The following CEACAM16 variants were observed in gnomAD, a reference collection of about 807,000 sequenced individuals.
CEACAM16 encodes the protein cell adhesion molecule CEACAM16.
In CEACAM16, 30 loss-of-function variants were observed where a neutral mutation model predicts 39.4. The observed-to-expected ratio is 0.76, with a 90% CI of 0.57 to 1.03. CEACAM16 has a LOEUF of 1.03. CEACAM16 is among the 50% of genes least tolerant of loss of function. The pLI, the probability that CEACAM16 is intolerant of heterozygous loss-of-function variation, is 0.00. For missense variants in CEACAM16, 521 were observed against 585.3 expected, an observed-to-expected ratio of 0.89 and a Z score of 1.13; for synonymous variants, 262 against 264.9, an observed-to-expected ratio of 0.99 and a Z score of 0.11.
chr19:44,699,174 G>A lies in CEACAM16; in HGVS notation c.-183G>A. 1 of 514,556 alleles carries A rather than the reference G, an allele frequency of 1.9e-6. No individual in the cohort carries two copies. The highest frequency in any genetic ancestry group is 4.0e-6 in the Non-Finnish European group (1 of 249,414). 31.9% of individuals were successfully genotyped at this position (514,556 alleles called of 1,614,324 possible). ...GGCTGCATCCTCAGCGCCTAGAACA[G>A]CACCTGGCAAACAATAGGTGCTCAT... On this transcript the variant is annotated 5_prime_UTR_variant, in exon 1 of 7. Transcript: ENST00000587331.
chr19:44,709,716 G>T (rs930771958), intron 6 of CEACAM16, among the ~76,000 whole-genome samples: 9 of 148,490 alleles, frequency 6.1e-5, no homozygotes, highest in African/African-American at 2.2e-4. Context: ...GGAGCTCCCA[G>T]AGTCAGGGAC....
chr19:44,701,365 T>C lies in CEACAM16; in HGVS notation c.-92T>C, dbSNP rs1974342508. On this transcript the variant is annotated 5_prime_UTR_variant, in exon 2 of 7. Coordinates refer to ENST00000587331, the MANE Select transcript of CEACAM16 (RefSeq NM_001039213.4). This position sits in a 1 kb window ranked among gnomAD's most constrained non-coding sequence, Gnocchi z 4.0. Reference sequence around the variant, plus strand: ...CAAATCACCAAACCCTCCCAGGTCCTGCGGCAGACGGAGCCGAGCCCCAAC... The same window carrying C: ...CAAATCACCAAACCCTCCCAGGTCCCGCGGCAGACGGAGCCGAGCCCCAAC... 2 of 1,362,006 alleles carry C rather than the reference T, an allele frequency of 1.5e-6. No individual in the cohort carries two copies. The highest frequency in any genetic ancestry group is 2.5e-5 in the East Asian group (1 of 39,980). The allele number at this position is 1,362,006 out of a possible 1,614,324, so 84.4% of individuals were successfully genotyped here.
At position 44,701,565 on chromosome 19, in the gene CEACAM16, T is replaced by C. The variant is rs1329347299; in HGVS notation, c.37+72T>C. On this transcript the variant is annotated intron_variant, in intron 2 of 6. Transcript: ENST00000587331. This position sits in a 1 kb window ranked among gnomAD's most constrained non-coding sequence, Gnocchi z 4.0. Reference sequence around the variant, plus strand: ...CAGGGAGGGGAGGGGACCCCCAGTCTGAGAGAGGGAAGGTGTGAGCAGAAG... The same window carrying C: ...CAGGGAGGGGAGGGGACCCCCAGTCCGAGAGAGGGAAGGTGTGAGCAGAAG... 1.3e-5 allele frequency: 18 copies of C among 1,411,980 alleles called. No homozygotes were observed. The highest frequency in any genetic ancestry group is 9.9e-5 in the East Asian group (4 of 40,338). The allele number at this position is 1,411,980 out of a possible 1,614,324, so 87.5% of individuals were successfully genotyped here. A position where few individuals can be genotyped will look rare whatever the true frequency, so the allele number is the denominator to read the frequency against.
chr19:44,704,213 G>C lies in CEACAM16; in HGVS notation c.578G>C (p.Arg193Pro), dbSNP rs764367010. 1 of 1,554,464 alleles carries C rather than the reference G, an allele frequency of 6.4e-7. No homozygotes were observed. The highest frequency in any genetic ancestry group is 8.7e-7 in the Non-Finnish European group (1 of 1,149,370). ...GTGCTGGCCAGGCATGGCATCCGCC[G>C]GGAGGAGGCCGGCGCCTATCAGTGT... ...GRVLARHGIR[R>P]EEAGAYQCEV... The change falls in exon 4 of 7, where the codon CGG becomes CCG. Residue 193 changes from arginine (R) to proline (P), a missense_variant. Transcript: ENST00000587331.
intron 5 of CEACAM16, among the ~76,000 whole-genome samples, chr19:44,706,310 AC>A (rs1344825286): frequency 3.4e-5 from 5 of 144,938 alleles, no homozygotes; most frequent in Non-Finnish European, 6.0e-5. Context: ...ACACACACAC[AC>A]AACTGAAGAA....
rs200297676 is a variant in CEACAM16 at position 44,704,143 on chromosome 19, G to C, written c.508G>C (p.Ala170Pro). 1.9e-6 allele frequency: 3 copies of C among 1,593,498 alleles called. No individual in the cohort carries two copies. Among genetic ancestry groups the C allele is most frequent in the Non-Finnish European group, 8.5e-7 (1 of 1,171,436 alleles). Residue 170 changes from alanine (A) to proline (P), a missense_variant, in exon 4 of 7, where the codon GCC becomes CCC. Transcript: ENST00000587331. Reference sequence around the variant, plus strand: ...GGTCCGCTGGTTCTTCAACGGTGGGGCCCTGCCCGTCGCTCTCCGCCTGGG... The same window carrying C: ...GGTCCGCTGGTTCTTCAACGGTGGGCCCCTGCCCGTCGCTCTCCGCCTGGG... ...AEVRWFFNGG[A>P]LPVALRLGLS...
chr19:44,703,596 C>T lies in CEACAM16; in HGVS notation c.285C>T (p.Ile95=), dbSNP rs1396345223. ...TGCGCCCCGATGGCAGCCTGGACAT[C>T]CAGGGCATCCTGCCCCGGCACTCAG... ...EAVRPDGSLD[I]QGILPRHSGT... is the part of the protein sequence containing the mutation. Residue 95 remains isoleucine (I), a synonymous_variant, in exon 3 of 7, where the codon ATC becomes ATT. Transcript: ENST00000587331. 2 of 1,608,806 alleles carry T rather than the reference C, an allele frequency of 1.2e-6. No homozygotes were observed. Among genetic ancestry groups the T allele is most frequent in the Non-Finnish European group, 1.7e-6 (2 of 1,178,124 alleles).
chr19:44,706,188 C>T (rs888606144), intron 5 of CEACAM16, among the ~76,000 whole-genome samples: 5 of 151,666 alleles, frequency 3.3e-5, no homozygotes, highest in African/African-American at 7.3e-5. Flanking sequence ...ACCCTCTACC[C>T]GCCCCCACCC....
At position 44,701,499 on chromosome 19, in the gene CEACAM16, C is replaced by A; in HGVS notation, c.37+6C>A. On this transcript the variant is annotated splice_donor_region_variant and intron_variant, in intron 2 of 6. Coordinates refer to ENST00000587331, the MANE Select transcript of CEACAM16 (RefSeq NM_001039213.4). This position sits in a 1 kb window ranked among gnomAD's most constrained non-coding sequence, Gnocchi z 4.0. ...CAGCTGGCTGCTCCTCAGTGGTGAG[C>A]GAGAATGGCACCCCCCAGCACCTCA... is the stretch of plus-strand genomic sequence containing the variant. The A allele has an allele frequency of 6.4e-7, 1 of 1,563,084 alleles. No individual in the cohort carries two copies. The highest frequency in any genetic ancestry group is 8.7e-7 in the Non-Finnish European group (1 of 1,153,256).
chr19:44,710,474 C>A (rs1974519694), intron 6 of CEACAM16, 22 bp from the exon 7 acceptor site: 1 of 1,611,064 alleles, frequency 6.2e-7, no homozygotes, highest in African/African-American at 1.3e-5. Flanking sequence ...TCCTTCGCCC[C>A]CTCGCCCCAT....
chr19:44,704,096 G>C lies in CEACAM16; in HGVS notation c.461G>C (p.Ser154Thr), dbSNP rs1347963248. Residue 154 changes from serine to threonine, a missense_variant, in exon 4 of 7, where the codon AGC becomes ACC. By Grantham distance (58) the Ser-to-Thr change is moderately conservative. Coordinates refer to ENST00000587331, the MANE Select transcript of CEACAM16 (RefSeq NM_001039213.4). ...ERRDTLRLMC[S>T]SPSPTAEVRW... The stretch of plus-strand genomic sequence containing the variant: ...CGAGACACCCTGCGCCTTATGTGCA[G>C]CAGCCCCAGCCCCACCGCCGAGGTC... 1.9e-6 allele frequency: 3 copies of C among 1,605,686 alleles called. No homozygotes were observed. In the South Asian group the frequency reaches 3.3e-5, roughly 18 times the overall value.
In CEACAM16 at chr19:44,700,373, G is replaced by A. The variant is rs147767590; in HGVS notation, c.-96-988G>A. On this transcript the variant is annotated intron_variant, in intron 1 of 6. Coordinates refer to ENST00000587331, the MANE Select transcript of CEACAM16 (RefSeq NM_001039213.4). ...GGCTGGTTGCAAACTCCTCACCTCA[G>A]GTGATCTGCCCATCTCAGCCTCCCA... Among the ~76,000 whole-genome samples, 730 of 152,002 alleles carry A rather than the reference G, an allele frequency of 4.8e-3. 6 individuals are homozygous for A. The highest frequency in any genetic ancestry group is 0.016 in the African/African-American group (676 of 41,476).
chr19:44,703,453 C>T lies in CEACAM16; in HGVS notation c.142C>T (p.Leu48=). The T allele has an allele frequency of 1.2e-6, 2 of 1,613,880 alleles. No individual in the cohort carries two copies. Among genetic ancestry groups the T allele is most frequent in the Non-Finnish European group, 1.7e-6 (2 of 1,179,904 alleles). The change falls in exon 3 of 7, where the codon CTG becomes TTG. Residue 48 remains leucine (L), a synonymous_variant. Transcript: ENST00000587331. Reference sequence around the variant, plus strand: ...GGTCGTCCATGGGCTTTCGGGGGAACTGCTCGCCTACAGCTGGTATGCGGG... The same window carrying T: ...GGTCGTCCATGGGCTTTCGGGGGAATTGCTCGCCTACAGCTGGTATGCGGG... The part of the protein sequence containing the change: ...TLVVHGLSGE[L]LAYSWYAGPT...
Position 44,699,257 on chromosome 19 carries a change from C to T in CEACAM16, c.-100C>T, listed in dbSNP as rs368464215. Reference sequence around the variant, plus strand: ...TACTGAGCATTTACTCTGCGCCAGTCGTGGTAAGTACTGTACTTCACATGT... The same window carrying T: ...TACTGAGCATTTACTCTGCGCCAGTTGTGGTAAGTACTGTACTTCACATGT... On this transcript the variant is annotated 5_prime_UTR_variant, in exon 1 of 7. Transcript: ENST00000587331. 4.7e-5 allele frequency: 25 copies of T among 534,202 alleles called. No individual in the cohort carries two copies. Among genetic ancestry groups the T allele is most frequent in the African/African-American group, 1.5e-4 (8 of 51,928 alleles). 33.1% of individuals were successfully genotyped at this position (534,202 alleles called of 1,614,324 possible). A position where few individuals can be genotyped will look rare whatever the true frequency, so the allele number is the denominator to read the frequency against.
At position 44,699,167 on chromosome 19, in the gene CEACAM16, T is replaced by G. The variant is rs1974304344; in HGVS notation, c.-190T>G. ...TGTGCACGGCTGCATCCTCAGCGCCTAGAACAGCACCTGGCAAACAATAGG... is the reference window on the plus strand; with the variant it reads ...TGTGCACGGCTGCATCCTCAGCGCCGAGAACAGCACCTGGCAAACAATAGG... On this transcript the variant is annotated 5_prime_UTR_variant, in exon 1 of 7. Transcript: ENST00000587331. 1 of 510,324 alleles carries G rather than the reference T, an allele frequency of 2.0e-6. No individual in the cohort carries two copies. The highest frequency in any genetic ancestry group is 1.9e-5 in the African/African-American group (1 of 51,786). 31.6% of individuals were successfully genotyped at this position (510,324 alleles called of 1,614,324 possible).
intron 6 of CEACAM16, 24 bp downstream of exon 6, chr19:44,708,211 G>A: frequency 6.6e-7 from 1 of 1,505,372 alleles, no homozygotes; most frequent in South Asian, 1.3e-5. Context: ...AAGGGGCAAG[G>A]CGTGCCCCTT....
At chr19:44,702,790 G>T (rs1974369635) in intron 2 of CEACAM16, among the ~76,000 whole-genome samples, 1 of 152,268 alleles carries the variant, frequency 6.6e-6, no homozygotes, top group African/African-American at 2.4e-5. Context: ...GATCTCGCGA[G>T]ACTTAGTTTG....
chr19:44,704,072 G>C lies in CEACAM16; in HGVS notation c.437G>C (p.Arg146Pro), dbSNP rs762263810. The C allele has an allele frequency of 1.1e-5, 17 of 1,610,208 alleles. No homozygotes were observed. In the East Asian group the frequency reaches 3.8e-4, roughly 36 times the overall value. ...LANSTALVER[R>P]DTLRLMCSSP... The stretch of plus-strand genomic sequence containing the variant: ...AACAGCACAGCGCTGGTGGAACGTC[G>C]AGACACCCTGCGCCTTATGTGCAGC... The change falls in exon 4 of 7, where the codon CGA becomes CCA. Residue 146 changes from arginine (R) to proline (P), a missense_variant. Physicochemically the swap from Arg to Pro is moderately radical, Grantham distance 103. Coordinates refer to ENST00000587331, the MANE Select transcript of CEACAM16 (RefSeq NM_001039213.4).
intron 6 of CEACAM16, among the ~76,000 whole-genome samples, chr19:44,709,746 T>C (rs112313115): frequency 6.9e-6 from 1 of 144,300 alleles, no homozygotes; most frequent in Non-Finnish European, 1.5e-5. Context: ...TCCATCAGAC[T>C]GGGAGCTCCC....
Sources: gnomAD v4.1 joint callset for allele counts (sites outside exome capture counted in the v4.1 genomes callset) on GRCh38, gnomAD v4.1.1 for gene constraint, Gnocchi (gnomAD v3.1) non-coding constraint, MANE v1.5 for transcripts, NCBI Gene and HGNC (gene_info 2026-07-23, HGNC 2026-07-21) for gene names.